The following CCDC38 variants were observed in gnomAD, a reference collection of about 807,000 sequenced individuals.
The protein encoded by CCDC38 is coiled-coil domain-containing protein 38.
A neutral mutation model predicts 72.8 loss-of-function variants in CCDC38; 69 were observed. The observed-to-expected ratio is 0.95, with a 90% CI of 0.78 to 1.16. The LOEUF is 1.16. Ranked by LOEUF, CCDC38 falls within the 50% of genes most tolerant of loss-of-function variation. The pLI is 0.00. For missense variants in CCDC38, 626 were observed against 638.9 expected (o/e 0.98, Z 0.22); for synonymous variants, 201 against 213.2 (o/e 0.94, Z 0.50).
At position 95,878,333 on chromosome 12, in the gene CCDC38, C is replaced by CT. The variant is rs754270050; in HGVS notation, c.1155dup (p.Glu386ArgfsTer11). 6.2e-7 allele frequency: 1 copy of CT among 1,611,564 alleles called. No individual in the cohort carries two copies. Among genetic ancestry groups the CT allele is most frequent in the African/African-American group, 1.3e-5 (1 of 74,822 alleles). On this transcript the variant is annotated frameshift_variant, in exon 13 of 16. Transcript: ENST00000344280. LOFTEE classifies it high-confidence loss of function. The stretch of plus-strand genomic sequence containing the variant: ...ATTTTTTCTTGCTCCAAAAGAAACT[C>CT]TATGTTGCTATTTCTATTACAAAAG...
At chr12:95,921,328 TGTC>T (rs1227970559) in intron 2 of CCDC38, among the ~76,000 whole-genome samples, 1 of 152,144 alleles carries the variant, frequency 6.6e-6, no homozygotes, top group African/African-American at 2.4e-5. Flanking sequence ...CAAGTGTAAT[TGTC>T]TATTTTCACA....
intron 3 of CCDC38, among the ~76,000 whole-genome samples, chr12:95,918,592 ATG>A (rs1281380255): frequency 6.6e-6 from 1 of 152,148 alleles, no homozygotes; most frequent in African/African-American, 2.4e-5. Context: ...AAATGTGGAG[ATG>A]TGTGTGTTGG....
At chr12:95,872,612 TCA>T (rs2079593631) in intron 13 of CCDC38, 152 bp from the exon 14 acceptor site, 2 of 615,440 alleles carry the variant, frequency 3.2e-6, no homozygotes, top group Non-Finnish European at 2.8e-6. Context: ...TCTCACTCTG[TCA>T]CCCAGGCTGG....
At chr12:95,919,579 C>T (rs1245177001) in intron 2 of CCDC38, 3 of 455,944 alleles carry the variant, frequency 6.6e-6, no homozygotes, top group East Asian at 6.9e-5. Flanking sequence ...GTAGAAGTCA[C>T]AGCTCCTCTG....
At chr12:95,928,979 CT>C (rs2080304968) in intron 2 of CCDC38, among the ~76,000 whole-genome samples, 1 of 152,184 alleles carries the variant, frequency 6.6e-6, no homozygotes, top group Non-Finnish European at 1.5e-5. Context: ...GCAGAGGTTA[CT>C]GCTGTCTTTT....
At position 95,874,824 on chromosome 12, in the gene CCDC38, A is replaced by T. The variant is rs539669458; in HGVS notation, c.1279-2364T>A. 1.3e-3 allele frequency among the ~76,000 whole-genome samples: 198 copies of T among 152,256 alleles called. 3 individuals carry two copies. The South Asian group carries it at 0.038, about 29-fold the overall frequency. ...AGGAATCATTGTATCAAAACGGGAGAGGGGAAAGGTTGCCGGGGTGGATAT... is the reference window on the plus strand; with the variant it reads ...AGGAATCATTGTATCAAAACGGGAGTGGGGAAAGGTTGCCGGGGTGGATAT... On this transcript the variant is annotated intron_variant, in intron 13 of 15. Transcript: ENST00000344280.
chr12:95,876,299 G>A (rs889152143), intron 13 of CCDC38, among the ~76,000 whole-genome samples: 14 of 152,066 alleles, frequency 9.2e-5, no homozygotes, highest in Admixed American at 7.2e-4. Context: ...GGAGAGGGAG[G>A]GATGGAAAGT....
intron 2 of CCDC38, 26 bp from the exon 3 acceptor site, chr12:95,919,002 A>G: frequency 7.1e-7 from 1 of 1,398,836 alleles, no homozygotes; most frequent in Non-Finnish European, 1.0e-6. Flanking sequence ...GAATGAATGA[A>G]TGAATTCTGT....
intron 1 of CCDC38, among the ~76,000 whole-genome samples, chr12:95,937,580 G>A (rs1437531632): frequency 6.6e-6 from 1 of 152,108 alleles, no homozygotes; most frequent in Non-Finnish European, 1.5e-5. Flanking sequence ...ATTTAAAAAT[G>A]TGCCCGCAGC....
chr12:95,917,412 C>T (rs1592792610), intron 3 of CCDC38, 118 bp from the exon 4 acceptor site: 1 of 774,994 alleles, frequency 1.3e-6, no homozygotes, highest in South Asian at 2.0e-5. Flanking sequence ...AAAAAAACAA[C>T]CCCAGGTTCT....
At chr12:95,873,797 A>G (rs1240461149) in intron 13 of CCDC38, among the ~76,000 whole-genome samples, 3 of 152,192 alleles carry the variant, frequency 2.0e-5, no homozygotes, top group Admixed American at 2.0e-4. Context: ...TTACAGAGCC[A>G]CCAACACAAT....
At chr12:95,900,828 T>C (rs1232371788) in intron 5 of CCDC38, among the ~76,000 whole-genome samples, 2 of 152,224 alleles carry the variant, frequency 1.3e-5, no homozygotes, top group Non-Finnish European at 2.9e-5. Context: ...ATGTTTTAAG[T>C]TTACATTTTC....
At chr12:95,895,331 G>A (rs1485104968) in intron 7 of CCDC38, among the ~76,000 whole-genome samples, 185 bp from the exon 8 acceptor site, 1 of 152,156 alleles carries the variant, frequency 6.6e-6, no homozygotes, top group East Asian at 1.9e-4. Context: ...AAAACTCTAG[G>A]AATGCTGTTT....
chr12:95,906,654 G>C (rs916478540), intron 4 of CCDC38, among the ~76,000 whole-genome samples: 1 of 151,818 alleles, frequency 6.6e-6, no homozygotes, highest in Non-Finnish European at 1.5e-5. Context: ...TCATATTCCA[G>C]AAACCTCATT....
chr12:95,908,736 A>G (rs2080058381), intron 4 of CCDC38, among the ~76,000 whole-genome samples: 1 of 150,120 alleles, frequency 6.7e-6, no homozygotes, highest in Admixed American at 6.7e-5. Flanking sequence ...CTTGTGCTGT[A>G]CCAAGTAAGA....
At chr12:95,878,470 G>T in intron 12 of CCDC38, 124 bp from the exon 13 acceptor site, 1 of 868,456 alleles carries the variant, frequency 1.2e-6, no homozygotes, top group Non-Finnish European at 1.8e-6. Flanking sequence ...ATACAAGTCT[G>T]TATTTGAAGA....
intron 4 of CCDC38, among the ~76,000 whole-genome samples, chr12:95,914,437 T>C (rs2080124445): frequency 6.6e-6 from 1 of 152,232 alleles, no homozygotes; most frequent in African/African-American, 2.4e-5. Flanking sequence ...TTCAACATTA[T>C]CAACATTTTA....
intron 9 of CCDC38, among the ~76,000 whole-genome samples, chr12:95,888,877 G>A (rs4762637): frequency 0.78 from 118,321 of 151,506 alleles, 46,714 homozygotes; most frequent in African/African-American, 0.86. Flanking sequence ...ACTATGTACT[G>A]TTTGTCTTTG....
intron 10 of CCDC38, among the ~76,000 whole-genome samples, chr12:95,883,759 G>A (rs945374602): frequency 6.6e-6 from 1 of 152,182 alleles, no homozygotes; most frequent in African/African-American, 2.4e-5. Context: ...TATTGTTGGG[G>A]CACTCAATAA....
Sources: gnomAD v4.1 joint callset for allele counts (sites outside exome capture counted in the v4.1 genomes callset) on GRCh38, gnomAD v4.1.1 for gene constraint, MANE v1.5 for transcripts, NCBI Gene and HGNC (gene_info 2026-07-23, HGNC 2026-07-21) for gene names.